NKAIN2: variants seen among roughly 807,000 people sequenced by gnomAD.
NKAIN2 encodes the protein sodium/potassium-transporting ATPase subunit beta-1-interacting protein 2.
A neutral mutation model predicts 32.6 loss-of-function variants in NKAIN2; 14 were observed. The observed-to-expected ratio is 0.43, with a 90% CI of 0.28 to 0.67. NKAIN2 has a LOEUF of 0.67. Ranked by LOEUF, NKAIN2 falls within the 30% of genes least tolerant of loss-of-function variation. The probability of loss-of-function intolerance (pLI) is 0.17; values close to 1 mark genes in which losing one functional copy is unlikely to be tolerated. For synonymous variants in NKAIN2, 80 were observed against 87.2 expected (o/e 0.92, Z 0.46); for missense variants, 198 against 258.3 (o/e 0.77, Z 1.60).
intron 3 of NKAIN2, among the ~76,000 whole-genome samples, chr6:124,633,142 T>C (rs1477547186): frequency 6.6e-6 from 1 of 152,200 alleles, no homozygotes; most frequent in Non-Finnish European, 1.5e-5. Flanking sequence ...AAAGGGAATT[T>C]CCTTGAGAGG....
intron 1 of NKAIN2, among the ~76,000 whole-genome samples, chr6:123,870,600 A>G (rs535140961): frequency 1.3e-4 from 20 of 152,306 alleles, no homozygotes; most frequent in Non-Finnish European, 2.4e-4. Context: ...GCTGTTATAT[A>G]TGTAGTGGAG....
intron 3 of NKAIN2, among the ~76,000 whole-genome samples, chr6:124,369,044 G>A (rs1196497443): frequency 6.6e-6 from 1 of 152,076 alleles, no homozygotes; most frequent in East Asian, 1.9e-4. Context: ...TACTAACTCA[G>A]AAGAGAAAGT....
intron 1 of NKAIN2, among the ~76,000 whole-genome samples, chr6:123,994,540 T>G (rs1410742926): frequency 6.6e-6 from 1 of 151,956 alleles, no homozygotes; most frequent in Non-Finnish European, 1.5e-5. Context: ...TCCCTGGGAG[T>G]TAGAAGTCTC....
At chr6:124,419,682 A>G (rs1774659748) in intron 3 of NKAIN2, among the ~76,000 whole-genome samples, 1 of 152,270 alleles carries the variant, frequency 6.6e-6, no homozygotes, top group Admixed American at 6.5e-5. Context: ...GACATAAGAT[A>G]ATATTTTATT....
chr6:124,330,780 G>A (rs11154213), intron 2 of NKAIN2, among the ~76,000 whole-genome samples: 20,972 of 152,132 alleles, frequency 0.14, 1,878 homozygotes, highest in Admixed American at 0.22. Context: ...ACAGGTGAAC[G>A]GCAGGCAAGA....
intron 2 of NKAIN2, among the ~76,000 whole-genome samples, chr6:124,307,821 A>C (rs1394951101): frequency 6.6e-6 from 1 of 152,168 alleles, no homozygotes. Context: ...ATAGTGTTTG[A>C]AAAATTTTAC....
chr6:123,979,495 T>C (rs1778794558), intron 1 of NKAIN2, among the ~76,000 whole-genome samples: 1 of 152,174 alleles, frequency 6.6e-6, no homozygotes. Context: ...AGGCATTAAA[T>C]GAAGTCAGGG....
intron 1 of NKAIN2, among the ~76,000 whole-genome samples, chr6:124,272,029 G>A (rs1794817494): frequency 6.6e-6 from 1 of 152,146 alleles, no homozygotes; most frequent in Non-Finnish European, 1.5e-5. Flanking sequence ...AGATGGTTTG[G>A]AATTGGAACT....
chr6:124,437,176 A>G (rs982871175), intron 3 of NKAIN2, among the ~76,000 whole-genome samples: 1 of 152,180 alleles, frequency 6.6e-6, no homozygotes, highest in African/African-American at 2.4e-5. Context: ...ATAACACTTA[A>G]CAACTTAAAT....
At chr6:124,706,630 G>C (rs1415763) in intron 4 of NKAIN2, among the ~76,000 whole-genome samples, 29,264 of 152,050 alleles carry the variant, frequency 0.19, 3,074 homozygotes, top group East Asian at 0.35. Flanking sequence ...AGGAATAAAA[G>C]ATGTGAAAGC....
chr6:124,663,314 C>T (rs947933444), intron 4 of NKAIN2, among the ~76,000 whole-genome samples: 1 of 151,864 alleles, frequency 6.6e-6, no homozygotes, highest in African/African-American at 2.4e-5. Flanking sequence ...ACCTGTAATC[C>T]CCGCTACTCA....
chr6:124,275,351 A>G (rs893683085), intron 1 of NKAIN2, among the ~76,000 whole-genome samples: 3 of 152,248 alleles, frequency 2.0e-5, no homozygotes, highest in African/African-American at 7.2e-5. Flanking sequence ...ATATTAAGAA[A>G]TGCCATGTAT....
At chr6:124,347,068 GTATTT>G (rs1165361032) in intron 2 of NKAIN2, among the ~76,000 whole-genome samples, 1 of 151,232 alleles carries the variant, frequency 6.6e-6, no homozygotes, top group Admixed American at 6.6e-5. Context: ...TGTCTGTAAA[GTATTT>G]TATTTCTCCT....
intron 3 of NKAIN2, among the ~76,000 whole-genome samples, chr6:124,592,127 G>C (rs1781933980): frequency 6.6e-6 from 1 of 152,018 alleles, no homozygotes; most frequent in South Asian, 2.1e-4. Flanking sequence ...GATGATGAAG[G>C]GCCATTCTAA....
chr6:124,754,154 T>C (rs1221381556), intron 4 of NKAIN2, among the ~76,000 whole-genome samples: 1 of 152,062 alleles, frequency 6.6e-6, no homozygotes, highest in Non-Finnish European at 1.5e-5. Context: ...ACTATGACGA[T>C]TGAGACTCTT....
chr6:124,726,401 A>G (rs374447022), intron 4 of NKAIN2, among the ~76,000 whole-genome samples: 13 of 151,318 alleles, frequency 8.6e-5, no homozygotes, highest in African/African-American at 2.9e-4. Flanking sequence ...TCCCTGACCC[A>G]TGACCCCTGA....
At chr6:124,615,446 G>A (rs1291414359) in intron 3 of NKAIN2, among the ~76,000 whole-genome samples, 2 of 152,084 alleles carry the variant, frequency 1.3e-5, no homozygotes, top group African/African-American at 4.8e-5. Context: ...ATATAAAAAT[G>A]ACAATATCAA....
At chr6:124,029,239 A>G (rs1396762581) in intron 1 of NKAIN2, among the ~76,000 whole-genome samples, 1 of 152,008 alleles carries the variant, frequency 6.6e-6, no homozygotes, top group Non-Finnish European at 1.5e-5. Context: ...AGTGCTTTGC[A>G]TCCTGTTTAT....
Position 123,932,048 on chromosome 6 carries a change from G to A in NKAIN2, c.54+127794G>A, listed in dbSNP as rs553012229. On this transcript the variant is annotated intron_variant, in intron 1 of 6. Transcript: ENST00000368417. ...TGTGGCATACAACAGTATTCTACTCGTTTCTTAAATGCGTTATCTTCCAGC... is the reference window on the plus strand; with the variant it reads ...TGTGGCATACAACAGTATTCTACTCATTTCTTAAATGCGTTATCTTCCAGC... Among the ~76,000 whole-genome samples the A allele has an allele frequency of 1.6e-3, 236 of 152,190 alleles. 1 individual carries two copies. Among genetic ancestry groups the A allele is most frequent in the African/African-American group, 5.4e-3 (223 of 41,524 alleles).
Sources: allele counts gnomAD v4.1 joint callset (sites outside exome capture counted in the v4.1 genomes callset), GRCh38; gene constraint gnomAD v4.1.1; transcripts MANE v1.5; gene names NCBI Gene and HGNC (gene_info 2026-07-23, HGNC 2026-07-21).